Variants in UNC5D observed in about 807,000 individuals in gnomAD.
UNC5D encodes the protein netrin receptor UNC5D.
Under a neutral mutation model 105.4 loss-of-function variants are expected in UNC5D, and 39 were observed. The observed-to-expected ratio is 0.37, with a 90% CI of 0.29 to 0.48. The LOEUF is 0.48. Ranked by LOEUF, UNC5D falls within the 20% of genes least tolerant of loss-of-function variation. The probability of loss-of-function intolerance (pLI) is 0.98; values close to 1 mark genes in which losing one functional copy is unlikely to be tolerated. For missense variants in UNC5D, 991 were observed against 1,202.4 expected (o/e 0.82, Z 2.60); for synonymous variants, 452 against 450.4 (o/e 1.00, Z -0.04).
chr8:35,775,492 G>A (rs1482298468), intron 16 of UNC5D, among the ~76,000 whole-genome samples: 1 of 151,700 alleles, frequency 6.6e-6, no homozygotes, highest in Non-Finnish European at 1.5e-5. Flanking sequence ...CAGCATCCCT[G>A]CCCTGAAAAA....
At chr8:35,319,061 G>A (rs548893380) in intron 1 of UNC5D, among the ~76,000 whole-genome samples, 29 of 152,118 alleles carry the variant, frequency 1.9e-4, no homozygotes, top group South Asian at 8.3e-4. Flanking sequence ...TGATTCCTGC[G>A]CAGTAACATT....
intron 4 of UNC5D, among the ~76,000 whole-genome samples, chr8:35,649,702 G>A (rs1462297754): frequency 1.2e-4 from 18 of 152,136 alleles, no homozygotes; most frequent in Admixed American, 1.2e-3. Flanking sequence ...ATGATGATAT[G>A]AGACATTCTT....
chr8:35,616,655 A>G (rs1191408550), intron 4 of UNC5D, among the ~76,000 whole-genome samples: 1 of 152,170 alleles, frequency 6.6e-6, no homozygotes, highest in African/African-American at 2.4e-5. Context: ...ATTCTCCTCC[A>G]TCTCCTCTCC....
intron 16 of UNC5D, among the ~76,000 whole-genome samples, chr8:35,780,113 ATG>A (rs1802436315): frequency 6.6e-6 from 1 of 152,150 alleles, no homozygotes; most frequent in Non-Finnish European, 1.5e-5. Context: ...CAGATAAATG[ATG>A]TCTTATTAAC....
At chr8:35,788,493 C>T (rs1178725115) in intron 16 of UNC5D, among the ~76,000 whole-genome samples, 1 of 152,158 alleles carries the variant, frequency 6.6e-6, no homozygotes, top group East Asian at 1.9e-4. Flanking sequence ...AGAAAAGTTA[C>T]TGTCCTAAAG....
intron 13 of UNC5D, among the ~76,000 whole-genome samples, chr8:35,756,875 G>A (rs1830545280): frequency 6.6e-6 from 1 of 152,162 alleles, no homozygotes; most frequent in African/African-American, 2.4e-5. Flanking sequence ...ACTACTTCAT[G>A]TCCATTAAGG....
At chr8:35,535,180 G>A (rs1210714675) in intron 1 of UNC5D, among the ~76,000 whole-genome samples, 6 of 152,128 alleles carry the variant, frequency 3.9e-5, no homozygotes, top group Non-Finnish European at 5.9e-5. Context: ...ATGATAAATA[G>A]CAAACTATAA....
chr8:35,346,228 G>T (rs368533555), intron 1 of UNC5D, among the ~76,000 whole-genome samples: 3 of 151,908 alleles, frequency 2.0e-5, no homozygotes, highest in African/African-American at 7.3e-5. Context: ...GGAAACAATC[G>T]ATTTTCTTTG....
At chr8:35,291,279 A>G in intron 1 of UNC5D, among the ~76,000 whole-genome samples, 1 of 152,246 alleles carries the variant, frequency 6.6e-6, no homozygotes, top group East Asian at 1.9e-4. Flanking sequence ...ATGGGAACTG[A>G]TAGAGAGCTG....
rs1333932735 is a variant in UNC5D, at chr8:35,791,435, G to C, written c.*872G>C. ...TATGGGGACAGGAGAGATTAAAGCA[G>C]GTTCAAAAACACATGAACTGCAGAT... On this transcript the variant is annotated 3_prime_UTR_variant, in exon 17 of 17. Coordinates refer to ENST00000404895, the MANE Select transcript of UNC5D (RefSeq NM_080872.4). The C allele has an allele frequency of 6.6e-6, 1 of 152,088 alleles. No homozygotes were observed. Among genetic ancestry groups the C allele is most frequent in the African/African-American group, 2.4e-5 (1 of 41,416 alleles). The allele number at this position is 152,088 out of a possible 1,614,324, so 9.4% of individuals were successfully genotyped here. A position where few individuals can be genotyped will look rare whatever the true frequency, so the allele number is the denominator to read the frequency against.
At chr8:35,426,107 C>CT (rs1251144572) in intron 1 of UNC5D, among the ~76,000 whole-genome samples, 1 of 152,102 alleles carries the variant, frequency 6.6e-6, no homozygotes, top group African/African-American at 2.4e-5. Context: ...AAATTCTACC[C>CT]TTTGAAACTA....
At chr8:35,780,718 C>A (rs1639021406) in intron 16 of UNC5D, among the ~76,000 whole-genome samples, 1 of 152,176 alleles carries the variant, frequency 6.6e-6, no homozygotes, top group Non-Finnish European at 1.5e-5. Flanking sequence ...TTACTATGAT[C>A]ACACTAAACT....
chr8:35,445,715 C>T (rs541352317), intron 1 of UNC5D, among the ~76,000 whole-genome samples: 3 of 152,130 alleles, frequency 2.0e-5, no homozygotes, highest in African/African-American at 7.2e-5. Context: ...ACCTGGGAAC[C>T]TGTTGCATCA....
chr8:35,285,192 G>A (rs1806501582), intron 1 of UNC5D, among the ~76,000 whole-genome samples: 1 of 152,184 alleles, frequency 6.6e-6, no homozygotes, highest in Non-Finnish European at 1.5e-5. Flanking sequence ...ATATGAAACT[G>A]CTTGACAGTG....
At chr8:35,496,641 C>G (rs1039454597) in intron 1 of UNC5D, among the ~76,000 whole-genome samples, 60 of 152,158 alleles carry the variant, frequency 3.9e-4, no homozygotes, top group African/African-American at 1.4e-3. Flanking sequence ...TAAGATACCA[C>G]TTACATGCCA....
chr8:35,423,662 G>T (rs567635615), intron 1 of UNC5D, among the ~76,000 whole-genome samples: 108 of 152,280 alleles, frequency 7.1e-4, no homozygotes, highest in Admixed American at 3.3e-3. Flanking sequence ...TTTTTAACAA[G>T]TGTCATGTTT....
chr8:35,327,200 G>C (rs189934491), intron 1 of UNC5D, among the ~76,000 whole-genome samples: 14 of 152,330 alleles, frequency 9.2e-5, no homozygotes, highest in Admixed American at 2.6e-4. Flanking sequence ...TATTTTCTAA[G>C]ACATGTTTCC....
At chr8:35,238,686 G>A (rs1802620011) in intron 1 of UNC5D, among the ~76,000 whole-genome samples, 1 of 152,114 alleles carries the variant, frequency 6.6e-6, no homozygotes, top group Non-Finnish European at 1.5e-5. Flanking sequence ...AAGGCAGAGA[G>A]GAAGATAATC....
intron 1 of UNC5D, among the ~76,000 whole-genome samples, chr8:35,501,355 G>A (rs565744609): frequency 6.6e-5 from 10 of 152,298 alleles, no homozygotes; most frequent in South Asian, 2.1e-4. Flanking sequence ...TGTACTGATG[G>A]TGGCTTTCCT....
Sources: allele counts gnomAD v4.1 joint callset (sites outside exome capture counted in the v4.1 genomes callset), GRCh38; gene constraint gnomAD v4.1.1; transcripts MANE v1.5; gene names NCBI Gene and HGNC (gene_info 2026-07-23, HGNC 2026-07-21).